The following HUWE1 variants were observed in gnomAD, a reference collection of about 807,000 sequenced individuals.
HUWE1 encodes HECT, UBA and WWE domain containing E3 ubiquitin protein ligase 1.
HUWE1 carries 18 observed loss-of-function variants against 299.4 expected under a neutral mutation model. The observed-to-expected ratio is 0.06, with a 90% CI of 0.04 to 0.09. The LOEUF is 0.09. HUWE1 is among the 10% of genes least tolerant of loss of function. The pLI, the probability that HUWE1 is intolerant of heterozygous loss-of-function variation, is 1.00. For missense variants in HUWE1, 1,832 were observed against 3,462.3 expected, an observed-to-expected ratio of 0.53 and a Z score of 11.82; for synonymous variants, 1,317 against 1,286.1, an observed-to-expected ratio of 1.02 and a Z score of -0.51.
chrX:53,580,937 G>A lies in HUWE1; in HGVS notation c.5610C>T (p.Ile1870=). Residue 1870 remains isoleucine (I), a synonymous_variant, in exon 43 of 84, where the codon ATC becomes ATT. Transcript: ENST00000262854. ...GSLGSREINY[I]LRVLGPAACR... ...ATGCGGCTGGCCCAAGGACACGAAG[G>A]ATGTAGTTGATCTCCCGAGAGCCGA... 8.3e-7 allele frequency: 1 copy of A among 1,210,867 alleles called. No individual in the cohort carries two copies. The highest frequency in any genetic ancestry group is 1.1e-6 in the Non-Finnish European group (1 of 894,920).
At chrX:53,538,750 T>A (rs2061204101) in intron 76 of HUWE1, 85 bp downstream of exon 76, 1 of 918,295 alleles carries the variant, frequency 1.1e-6, no homozygotes, top group Non-Finnish European at 1.5e-6. Context: ...TCTCTCTCTC[T>A]CTCATCAACT....
At chrX:53,578,703 A>G (rs1556962665) in intron 43 of HUWE1, among the ~76,000 whole-genome samples, 2 of 71,227 alleles carry the variant, frequency 2.8e-5, no homozygotes, top group Non-Finnish European at 2.7e-5. Context: ...CCGCCTGGCC[A>G]GCCGCCCCGT....
intron 7 of HUWE1, among the ~76,000 whole-genome samples, chrX:53,643,930 C>T (rs2067791378): frequency 9.0e-6 from 1 of 111,088 alleles, no homozygotes; most frequent in Admixed American, 9.5e-5. Context: ...CTCAAGTGAT[C>T]CTCTTACCTC....
At chrX:53,668,729 A>G (rs1361593849) in intron 3 of HUWE1, among the ~76,000 whole-genome samples, 1 of 112,270 alleles carries the variant, frequency 8.9e-6, no homozygotes, top group African/African-American at 3.2e-5. Flanking sequence ...CAGAAACCTT[A>G]TGCTAGGTAT....
chrX:53,630,546 G>A (rs1193382837), intron 12 of HUWE1, among the ~76,000 whole-genome samples: 18 of 110,603 alleles, frequency 1.6e-4, no homozygotes, highest in African/African-American at 5.9e-4. Flanking sequence ...TAAATGCACA[G>A]TATTGACTAC....
At chrX:53,605,835 T>C (rs1237454476) in intron 25 of HUWE1, among the ~76,000 whole-genome samples, 1 of 111,660 alleles carries the variant, frequency 9.0e-6, no homozygotes, top group Non-Finnish European at 1.9e-5. Context: ...ACCAATGGAA[T>C]AGAATAGAGA....
At chrX:53,580,379 T>C (rs782510306) in intron 43 of HUWE1, among the ~76,000 whole-genome samples, 1 of 112,442 alleles carries the variant, frequency 8.9e-6, no homozygotes, top group African/African-American at 3.2e-5. Flanking sequence ...TCTAGGCCAG[T>C]TGTCTTATAT....
intron 7 of HUWE1, 95 bp from the exon 8 acceptor site, chrX:53,634,393 C>G (rs998297257): frequency 1.7e-6 from 1 of 599,165 alleles, no homozygotes. Context: ...CCTTATCTCT[C>G]TTTCTCTCTA....
intron 2 of HUWE1, among the ~76,000 whole-genome samples, chrX:53,683,540 C>T (rs1479298676): frequency 1.8e-5 from 2 of 111,544 alleles, no homozygotes; most frequent in Admixed American, 9.4e-5. Context: ...CCCCTCCCAC[C>T]CTTCCCAATC....
At chrX:53,683,313 T>C (rs189995327) in intron 2 of HUWE1, among the ~76,000 whole-genome samples, 312 of 111,063 alleles carry the variant, frequency 2.8e-3, no homozygotes, top group Admixed American at 4.9e-3. Flanking sequence ...GTGACACTAC[T>C]GCTTGAACCC....
chrX:53,631,682 C>A (rs2066887025), intron 9 of HUWE1, 68 bp from the exon 10 acceptor site: 7 of 788,761 alleles, frequency 8.9e-6, no homozygotes, highest in Non-Finnish European at 1.3e-5. Context: ...TTCCATAGAG[C>A]TCCAAAGGGC....
At chrX:53,634,191 C>CCACA in intron 8 of HUWE1, 45 bp downstream of exon 8, 1 of 994,622 alleles carries the variant, frequency 1.0e-6, no homozygotes, top group Non-Finnish European at 1.4e-6. Context: ...CACAGAGAGG[C>CCACA]CACAGCTCTG....
At chrX:53,599,594 T>C (rs928513958) in intron 29 of HUWE1, among the ~76,000 whole-genome samples, 1 of 112,454 alleles carries the variant, frequency 8.9e-6, no homozygotes, top group Non-Finnish European at 1.9e-5. Flanking sequence ...GTGACTTTAA[T>C]ATAAAACACC....
At chrX:53,628,668 C>T (rs1557020136) in intron 14 of HUWE1, 48 bp from the exon 15 acceptor site, 1 of 1,203,052 alleles carries the variant, frequency 8.3e-7, no homozygotes, top group Non-Finnish European at 1.1e-6. Context: ...CTCAAAATTG[C>T]TGTTAAGCAG....
chrX:53,583,300 T>C (rs1602861060), intron 42 of HUWE1, among the ~76,000 whole-genome samples: 1 of 98,487 alleles, frequency 1.0e-5, no homozygotes, highest in African/African-American at 3.8e-5. Flanking sequence ...TAATGAAACC[T>C]AGATTAAAAA....
At chrX:53,561,620 A>T (rs1569444993) in intron 55 of HUWE1, 136 bp downstream of exon 55, 5 of 893,202 alleles carry the variant, frequency 5.6e-6, no homozygotes, top group Non-Finnish European at 4.7e-6. Context: ...GGATTCAGAT[A>T]TCCCTTGCCC....
chrX:53,653,346 C>G (rs781871834), intron 4 of HUWE1, among the ~76,000 whole-genome samples: 1 of 111,746 alleles, frequency 8.9e-6, no homozygotes, highest in East Asian at 2.8e-4. Context: ...CCCCATTTTG[C>G]AGCTGTGGAA....
At chrX:53,562,307 G>C in intron 53 of HUWE1, 63 bp from the exon 54 acceptor site, 3 of 1,170,169 alleles carry the variant, frequency 2.6e-6, no homozygotes, top group African/African-American at 3.5e-5. Context: ...CTACTGTGCA[G>C]GCCAGCAGGC....
intron 74 of HUWE1, among the ~76,000 whole-genome samples, chrX:53,541,845 G>A (rs2061357880): frequency 9.0e-6 from 1 of 111,693 alleles, no homozygotes; most frequent in Admixed American, 9.5e-5. Flanking sequence ...TAGCTTAGGT[G>A]ATGGAGAAAG....
Sources: gnomAD v4.1 joint callset for allele counts (sites outside exome capture counted in the v4.1 genomes callset) on GRCh38, gnomAD v4.1.1 for gene constraint, MANE v1.5 for transcripts, NCBI Gene and HGNC (gene_info 2026-07-23, HGNC 2026-07-21) for gene names.